PARD3B: variants seen among roughly 807,000 people sequenced by gnomAD.
PARD3B encodes par-3 family cell polarity regulator beta.
In PARD3B, 103 loss-of-function variants were observed where a neutral mutation model predicts 130.2. The ratio of observed to expected loss-of-function variants is 0.79; its 90% CI spans 0.67 to 0.93. The LOEUF (loss-of-function observed/expected upper bound fraction) is 0.93. Ranked by LOEUF, PARD3B falls within the 40% of genes least tolerant of loss-of-function variation. PARD3B has a pLI of 0.00. For synonymous variants in PARD3B, 583 were observed against 553.2 expected (o/e 1.05, Z -0.76); for missense variants, 1,609 against 1,499.2 (o/e 1.07, Z -1.21).
At chr2:205,516,456 T>C (rs1432568823) in intron 21 of PARD3B, among the ~76,000 whole-genome samples, 11 of 150,678 alleles carry the variant, frequency 7.3e-5, no homozygotes, top group Non-Finnish European at 1.5e-4. Flanking sequence ...TTGTAATCTG[T>C]TTTGTAATTC....
At chr2:205,336,553 G>T (rs774810378) in intron 18 of PARD3B, among the ~76,000 whole-genome samples, 5 of 152,150 alleles carry the variant, frequency 3.3e-5, no homozygotes, top group Non-Finnish European at 7.4e-5. Context: ...TGCAAGAGAT[G>T]GTCAGATCTT....
intron 2 of PARD3B, among the ~76,000 whole-genome samples, chr2:204,758,453 A>G (rs1310692714): frequency 6.6e-6 from 1 of 152,172 alleles, no homozygotes; most frequent in Non-Finnish European, 1.5e-5. Flanking sequence ...AAATGGGACA[A>G]GTTCACACTG....
At chr2:205,074,023 G>T (rs1406801434) in intron 4 of PARD3B, among the ~76,000 whole-genome samples, 1 of 152,134 alleles carries the variant, frequency 6.6e-6, no homozygotes, top group Non-Finnish European at 1.5e-5. Context: ...TGGTAAGGCT[G>T]TTGTATGACT....
chr2:204,873,282 G>T (rs3919589), intron 2 of PARD3B, among the ~76,000 whole-genome samples: 42,615 of 152,070 alleles, frequency 0.28, 10,862 homozygotes, highest in African/African-American at 0.68. Flanking sequence ...TAAAGAGGAC[G>T]TGAATGCCAT....
intron 2 of PARD3B, among the ~76,000 whole-genome samples, chr2:204,956,741 C>G (rs1240583687): frequency 3.3e-5 from 5 of 152,090 alleles, no homozygotes; most frequent in Non-Finnish European, 7.4e-5. Context: ...TTTTTTATTT[C>G]CACCTTTGCA....
chr2:204,618,362 G>A (rs2034184609), intron 1 of PARD3B, among the ~76,000 whole-genome samples: 2 of 152,116 alleles, frequency 1.3e-5, no homozygotes, highest in Non-Finnish European at 2.9e-5. Flanking sequence ...AGGGACCTCT[G>A]ACTAGTAATT....
intron 21 of PARD3B, among the ~76,000 whole-genome samples, chr2:205,507,129 G>A (rs1204560268): frequency 2.8e-5 from 4 of 144,330 alleles, no homozygotes; most frequent in African/African-American, 7.6e-5. Context: ...TCTCAGTAGC[G>A]CTGATTGATT....
chr2:205,012,530 A>G (rs1185840628), intron 3 of PARD3B, among the ~76,000 whole-genome samples: 1 of 152,224 alleles, frequency 6.6e-6, no homozygotes, highest in Admixed American at 6.5e-5. Context: ...ATGTAGATTT[A>G]TAAGAAAAGA....
chr2:204,850,629 G>T (rs1309113000), intron 2 of PARD3B, among the ~76,000 whole-genome samples: 2 of 152,008 alleles, frequency 1.3e-5, no homozygotes, highest in South Asian at 2.1e-4. Context: ...ATTCATATTC[G>T]CTTCGTGTTA....
At chr2:204,910,112 G>T (rs974150463) in intron 2 of PARD3B, among the ~76,000 whole-genome samples, 1 of 152,120 alleles carries the variant, frequency 6.6e-6, no homozygotes, top group Admixed American at 6.6e-5. Flanking sequence ...AGGAAGCAGA[G>T]AATTGAAAGA....
At chr2:205,182,429 C>T (rs142915227) in intron 13 of PARD3B, among the ~76,000 whole-genome samples, 27 of 150,442 alleles carry the variant, frequency 1.8e-4, no homozygotes, top group East Asian at 1.6e-3. Context: ...ACATAAAGAA[C>T]GATAAATGGT....
rs1418706373 is a variant in PARD3B, at chr2:205,121,213, C to T, written c.807-378C>T. On this transcript the variant is annotated intron_variant, in intron 7 of 22. Transcript: ENST00000406610. This position sits in a 1 kb window ranked among gnomAD's most constrained non-coding sequence, Gnocchi z 5.0. Reference sequence around the variant, plus strand: ...ATATCTATTTTGCTTTTTATATTCACTTTGGTAATCACTTCTGGTTAGATT... The same window carrying T: ...ATATCTATTTTGCTTTTTATATTCATTTTGGTAATCACTTCTGGTTAGATT... 6.6e-6 allele frequency among the ~76,000 whole-genome samples: 1 copy of T among 152,180 alleles called. No individual in the cohort carries two copies. Among genetic ancestry groups the T allele is most frequent in the African/African-American group, 2.4e-5 (1 of 41,450 alleles).
intron 2 of PARD3B, among the ~76,000 whole-genome samples, chr2:204,747,348 A>T (rs1401750940): frequency 6.6e-6 from 1 of 152,160 alleles, no homozygotes; most frequent in Admixed American, 6.6e-5. Flanking sequence ...CAAAGAGAAT[A>T]AAATACCTAG....
chr2:205,261,338 C>T (rs1466395729), intron 16 of PARD3B, among the ~76,000 whole-genome samples: 1 of 151,200 alleles, frequency 6.6e-6, no homozygotes, highest in African/African-American at 2.4e-5. Flanking sequence ...TCCTACATTT[C>T]ACTTTGACTC....
At chr2:204,743,016 A>G (rs2040072160) in intron 2 of PARD3B, among the ~76,000 whole-genome samples, 1 of 152,222 alleles carries the variant, frequency 6.6e-6, no homozygotes, top group African/African-American at 2.4e-5. Flanking sequence ...GGGAAGCAAC[A>G]TGGCTCTAAG....
At chr2:205,109,967 T>A (rs1703508807) in intron 5 of PARD3B, among the ~76,000 whole-genome samples, 1 of 152,096 alleles carries the variant, frequency 6.6e-6, no homozygotes, top group African/African-American at 2.4e-5. Flanking sequence ...AATTACCTAA[T>A]CTTAATGTTC....
intron 13 of PARD3B, among the ~76,000 whole-genome samples, chr2:205,184,745 A>G (rs559814240): frequency 6.6e-6 from 1 of 151,194 alleles, no homozygotes; most frequent in South Asian, 2.1e-4. Flanking sequence ...CCATCTCAAA[A>G]ATAATAATAA....
intron 3 of PARD3B, among the ~76,000 whole-genome samples, chr2:205,034,412 G>T (rs1030995824): frequency 6.6e-6 from 1 of 152,138 alleles, no homozygotes; most frequent in Admixed American, 6.6e-5. Context: ...ACTTGTTGAT[G>T]ATTGGTCTTC....
At chr2:205,518,709 G>C (rs941696857) in intron 21 of PARD3B, among the ~76,000 whole-genome samples, 4 of 152,144 alleles carry the variant, frequency 2.6e-5, no homozygotes, top group Admixed American at 6.5e-5. Flanking sequence ...TTTTGTGTTA[G>C]CTGGTAGCAG....
Sources: gnomAD v4.1 joint callset for allele counts (sites outside exome capture counted in the v4.1 genomes callset) on GRCh38, gnomAD v4.1.1 for gene constraint, Gnocchi (gnomAD v3.1) non-coding constraint, MANE v1.5 for transcripts, NCBI Gene and HGNC (gene_info 2026-07-23, HGNC 2026-07-21) for gene names.